Variants in WDR7 observed in about 807,000 individuals in gnomAD.
The protein encoded by WDR7 is WD repeat domain 7.
Under a neutral mutation model 169.4 loss-of-function variants are expected in WDR7, and 46 were observed. The observed-to-expected ratio is 0.27, with a 90% confidence interval of 0.21 to 0.35. The LOEUF (loss-of-function observed/expected upper bound fraction) is 0.35. Among genes scored for constraint, WDR7 ranks in the 10% least tolerant of loss-of-function variants. The pLI is 1.00. For synonymous variants in WDR7, 612 were observed against 666.8 expected (o/e 0.92, Z 1.27); for missense variants, 1,534 against 1,859.3 (o/e 0.83, Z 3.22).
chr18:56,885,656 C>T (rs569433878), intron 21 of WDR7, among the ~76,000 whole-genome samples: 39 of 50,904 alleles, frequency 7.7e-4, no homozygotes, highest in African/African-American at 1.7e-3. Context: ...CCTGTCTCTA[C>T]TAAAAAAAAA....
intron 19 of WDR7, among the ~76,000 whole-genome samples, chr18:56,784,531 A>T (rs1018962646): frequency 1.3e-5 from 2 of 152,228 alleles, no homozygotes; most frequent in Non-Finnish European, 2.9e-5. Flanking sequence ...ACGTATATTA[A>T]TCACTATTTA....
intron 21 of WDR7, among the ~76,000 whole-genome samples, chr18:56,892,943 T>C (rs2046283911): frequency 6.6e-6 from 1 of 152,068 alleles, no homozygotes; most frequent in Non-Finnish European, 1.5e-5. Context: ...TTATACAACA[T>C]ACAATATTTA....
At chr18:56,876,157 T>A (rs2046019014) in intron 20 of WDR7, among the ~76,000 whole-genome samples, 1 of 152,036 alleles carries the variant, frequency 6.6e-6, no homozygotes, top group Non-Finnish European at 1.5e-5. Flanking sequence ...AACAAATAGA[T>A]AAAATAAAAC....
chr18:56,741,385 CTCTCT>C (rs1452382282), intron 14 of WDR7, among the ~76,000 whole-genome samples: 1 of 145,474 alleles, frequency 6.9e-6, no homozygotes, highest in Non-Finnish European at 1.6e-5. Context: ...AAGCAGTCTT[CTCTCT>C]GCCTCTGCCA....
intron 26 of WDR7, among the ~76,000 whole-genome samples, chr18:56,986,444 A>G (rs1416443833): frequency 1.3e-5 from 2 of 152,324 alleles, no homozygotes; most frequent in African/African-American, 4.8e-5. Flanking sequence ...GTTTTATCAT[A>G]CTTTGATAGG....
At chr18:57,035,047 A>G in the WDR7 span, 2 of 152,360 alleles carry the variant, frequency 1.3e-5, no homozygotes, top group African/African-American at 4.8e-5. Context: ...GCCTGCCTAC[A>G]TGGCCAGCTC....
intron 20 of WDR7, among the ~76,000 whole-genome samples, chr18:56,856,918 A>G (rs1285581026): frequency 6.6e-6 from 1 of 152,132 alleles, no homozygotes; most frequent in African/African-American, 2.4e-5. Context: ...TTAAATTATT[A>G]TGTTTAAAAT....
At chr18:56,752,577 T>C (rs2043812848) in intron 14 of WDR7, among the ~76,000 whole-genome samples, 1 of 152,114 alleles carries the variant, frequency 6.6e-6, no homozygotes, top group Non-Finnish European at 1.5e-5. Flanking sequence ...ACACAAGACA[T>C]AATAGGTGTT....
At chr18:56,750,665 A>G (rs1034643392) in intron 14 of WDR7, among the ~76,000 whole-genome samples, 3 of 152,228 alleles carry the variant, frequency 2.0e-5, no homozygotes, top group African/African-American at 4.8e-5. Context: ...CGTATTTGAC[A>G]TTGTTAAGAA....
intron 19 of WDR7, among the ~76,000 whole-genome samples, chr18:56,788,690 C>A (rs556121799): frequency 8.9e-4 from 135 of 152,174 alleles, no homozygotes; most frequent in African/African-American, 3.1e-3. Context: ...GGGAAAGTTA[C>A]TCATGAAGAA....
At chr18:57,023,968 G>C (rs958997181) in intron 27 of WDR7, among the ~76,000 whole-genome samples, 1 of 152,110 alleles carries the variant, frequency 6.6e-6, no homozygotes, top group Admixed American at 6.5e-5. Context: ...TCAGCATTTT[G>C]TTGAACAAAA....
rs562733363 is a variant in WDR7 at position 56,786,570 on chromosome 18, C to G, written c.3190+4914C>G. Among the ~76,000 whole-genome samples the G allele has an allele frequency of 2.0e-5, 3 of 151,680 alleles. No individual in the cohort carries two copies. In the South Asian group the frequency reaches 6.3e-4, roughly 32 times the overall value. On this transcript the variant is annotated intron_variant, in intron 19 of 27. Coordinates refer to ENST00000254442, the MANE Select transcript of WDR7 (RefSeq NM_015285.3). ...AACAAAGAAACAAAAAAGAGTCAAGCCCTAATTGAGTACTGTGAGAATTTT... is the reference window on the plus strand; with the variant it reads ...AACAAAGAAACAAAAAAGAGTCAAGGCCTAATTGAGTACTGTGAGAATTTT...
chr18:56,926,518 G>C (rs1438143676), intron 22 of WDR7, among the ~76,000 whole-genome samples: 2 of 152,138 alleles, frequency 1.3e-5, no homozygotes, highest in Non-Finnish European at 2.9e-5. Context: ...TTAATATTTT[G>C]TTTGATTTTG....
intron 15 of WDR7, 81 bp from the exon 16 acceptor site, chr18:56,758,784 G>C: frequency 9.7e-7 from 1 of 1,029,688 alleles, no homozygotes; most frequent in Non-Finnish European, 1.4e-6. Flanking sequence ...TCGTTTAGAA[G>C]TAGAAAATTT....
At chr18:57,002,536 A>G (rs1002421251) in intron 26 of WDR7, among the ~76,000 whole-genome samples, 1 of 152,206 alleles carries the variant, frequency 6.6e-6, no homozygotes, top group Non-Finnish European at 1.5e-5. Context: ...TTTAATTAGA[A>G]AAATAGATTG....
chr18:56,988,172 CG>C (rs2047752791), intron 26 of WDR7, among the ~76,000 whole-genome samples: 1 of 152,200 alleles, frequency 6.6e-6, no homozygotes, highest in Non-Finnish European at 1.5e-5. Context: ...TTATCACCTT[CG>C]TAACCCCTAA....
At chr18:56,997,392 T>C (rs2047913357) in intron 26 of WDR7, among the ~76,000 whole-genome samples, 1 of 152,228 alleles carries the variant, frequency 6.6e-6, no homozygotes, top group South Asian at 2.1e-4. Context: ...GGGCATTTAC[T>C]ATTTGACTTG....
intron 26 of WDR7, among the ~76,000 whole-genome samples, chr18:56,982,324 T>G (rs2047658031): frequency 6.6e-6 from 1 of 152,228 alleles, no homozygotes; most frequent in African/African-American, 2.4e-5. Context: ...ATATCTGTTT[T>G]GCCAAGGAGG....
At chr18:56,660,431 A>G (rs1299893162) in intron 1 of WDR7, among the ~76,000 whole-genome samples, 1 of 152,160 alleles carries the variant, frequency 6.6e-6, no homozygotes, top group Non-Finnish European at 1.5e-5. Context: ...TGCATTTTAG[A>G]TTTTTCAGAT....
Sources: allele counts gnomAD v4.1 joint callset (sites outside exome capture counted in the v4.1 genomes callset), GRCh38; gene constraint gnomAD v4.1.1; transcripts MANE v1.5; gene names NCBI Gene and HGNC (gene_info 2026-07-23, HGNC 2026-07-21).